AFF1: variants seen among roughly 807,000 people sequenced by gnomAD.
The protein encoded by AFF1 is AF4/FMR2 family member 1.
A neutral mutation model predicts 121.7 loss-of-function variants in AFF1; 48 were observed. The observed-to-expected ratio is 0.39, with a 90% confidence interval of 0.31 to 0.50. The LOEUF is 0.50. Among genes scored for constraint, AFF1 ranks in the 20% least tolerant of loss-of-function variants. The probability of loss-of-function intolerance (pLI) is 0.76; values close to 1 mark genes in which losing one functional copy is unlikely to be tolerated. For missense variants in AFF1, 1,523 were observed against 1,511.7 expected (o/e 1.01, Z -0.12); for synonymous variants, 613 against 563.0 (o/e 1.09, Z -1.26).
chr4:87,002,195 TG>T (rs1725778926), intron 2 of AFF1, among the ~76,000 whole-genome samples: 1 of 150,126 alleles, frequency 6.7e-6, no homozygotes, highest in South Asian at 2.1e-4. Context: ...TGGGCCCAGG[TG>T]ATCCCCCTGC....
chr4:86,949,052 T>C (rs1721073292), intron 2 of AFF1, among the ~76,000 whole-genome samples: 1 of 152,172 alleles, frequency 6.6e-6, no homozygotes, highest in Non-Finnish European at 1.5e-5. Flanking sequence ...TCAGTGTTGA[T>C]TGAGGGGATC....
intron 4 of AFF1, among the ~76,000 whole-genome samples, chr4:87,050,929 G>A (rs1273412282): frequency 1.3e-5 from 2 of 152,230 alleles, no homozygotes; most frequent in South Asian, 2.1e-4. Context: ...CTCTGTGAGT[G>A]CTCATGCACA....
intron 16 of AFF1, among the ~76,000 whole-genome samples, 183 bp from the exon 17 acceptor site, chr4:87,130,900 A>G (rs1560661918): frequency 6.6e-6 from 1 of 152,216 alleles, no homozygotes; most frequent in Non-Finnish European, 1.5e-5. Flanking sequence ...TTTTGCTAAA[A>G]TAGTTTTCAG....
intron 11 of AFF1, among the ~76,000 whole-genome samples, chr4:87,110,393 A>G (rs930176076): frequency 6.6e-6 from 1 of 151,912 alleles, no homozygotes; most frequent in Non-Finnish European, 1.5e-5. Flanking sequence ...AGTATTATTG[A>G]CTACAGTCAC....
At chr4:86,990,172 A>T (rs905300981) in intron 2 of AFF1, among the ~76,000 whole-genome samples, 1 of 147,888 alleles carries the variant, frequency 6.8e-6, no homozygotes, top group African/African-American at 2.4e-5. Flanking sequence ...AAATTATAAT[A>T]ATAATAATAA....
intron 2 of AFF1, among the ~76,000 whole-genome samples, chr4:86,988,564 A>G (rs1184898945): frequency 2.0e-5 from 3 of 152,216 alleles, no homozygotes; most frequent in Admixed American, 2.0e-4. Context: ...ATGGAAAAAC[A>G]TTCCGTGCTC....
chr4:87,134,333 C>A, intron 19 of AFF1, 138 bp from the exon 20 acceptor site: 1 of 796,360 alleles, frequency 1.3e-6, no homozygotes, highest in Non-Finnish European at 2.0e-6. Flanking sequence ...GTAGGAGTGA[C>A]TTTAGCAGTG....
chr4:87,140,321 G>A lies in AFF1; in HGVS notation c.*4620G>A, dbSNP rs188457574. On this transcript the variant is annotated 3_prime_UTR_variant, in exon 21 of 21. Coordinates refer to ENST00000395146, the MANE Select transcript of AFF1 (RefSeq NM_001166693.3). ...ACTGCATATCCCCCTCAGATATCAA[G>A]TATACACTGTTCATGTTGGGGTTGT... The A allele has an allele frequency of 5.0e-6, 1 of 198,034 alleles. No homozygotes were observed. The highest frequency in any genetic ancestry group is 1.0e-5 in the Non-Finnish European group (1 of 95,356). The allele number at this position is 198,034 out of a possible 1,614,324, so 12.3% of individuals were successfully genotyped here. A position where few individuals can be genotyped will look rare whatever the true frequency, so the allele number is the denominator to read the frequency against.
At chr4:87,111,181 G>T (rs1578271165) in intron 11 of AFF1, among the ~76,000 whole-genome samples, 2 of 77,174 alleles carry the variant, frequency 2.6e-5, no homozygotes, top group Middle Eastern at 8.6e-3. Flanking sequence ...CTAATTTTTT[G>T]TATTTTTTTT....
At chr4:86,960,479 G>A (rs755680283) in intron 2 of AFF1, among the ~76,000 whole-genome samples, 1 of 152,248 alleles carries the variant, frequency 6.6e-6, no homozygotes, top group Non-Finnish European at 1.5e-5. Context: ...AAAAAGGTCC[G>A]TTTTTAAGTA....
chr4:87,055,531 G>C (rs1720031114), intron 4 of AFF1, among the ~76,000 whole-genome samples: 1 of 152,150 alleles, frequency 6.6e-6, no homozygotes, highest in South Asian at 2.1e-4. Flanking sequence ...CTCTCCAGTT[G>C]TGCCTTTGCC....
intron 2 of AFF1, among the ~76,000 whole-genome samples, chr4:87,038,473 C>T (rs571921995): frequency 2.0e-5 from 3 of 152,084 alleles, no homozygotes; most frequent in African/African-American, 4.8e-5. Context: ...AAATGTTTCC[C>T]GCATGTTAGA....
At chr4:87,072,186 G>A (rs1273228436) in intron 4 of AFF1, among the ~76,000 whole-genome samples, 4 of 151,876 alleles carry the variant, frequency 2.6e-5, no homozygotes, top group Non-Finnish European at 5.9e-5. Context: ...ACACGGTGAA[G>A]ACCCGTCTCT....
chr4:86,980,764 G>T (rs1415300423), intron 2 of AFF1, among the ~76,000 whole-genome samples: 1 of 152,190 alleles, frequency 6.6e-6, no homozygotes, highest in Admixed American at 6.5e-5. Flanking sequence ...GAGAACGATA[G>T]AAGCTAGACT....
At chr4:87,126,746 G>A (rs755925662) in intron 14 of AFF1, among the ~76,000 whole-genome samples, 2 of 152,126 alleles carry the variant, frequency 1.3e-5, no homozygotes, top group Non-Finnish European at 2.9e-5. Context: ...GGGTGGAGTG[G>A]AGTGGTGTGT....
intron 12 of AFF1, among the ~76,000 whole-genome samples, chr4:87,119,186 C>T (rs146563245): frequency 4.8e-4 from 73 of 152,216 alleles, no homozygotes; most frequent in Non-Finnish European, 8.4e-4. Context: ...AATTCTTAAA[C>T]CAAGCTTATT....
At chr4:87,095,074 T>C in intron 8 of AFF1, 105 bp downstream of exon 8, 2 of 1,076,764 alleles carry the variant, frequency 1.9e-6, no homozygotes. Context: ...ATGACATTAA[T>C]AAGACTGCTG....
chr4:86,978,567 G>T (rs1723490650), intron 2 of AFF1, among the ~76,000 whole-genome samples: 1 of 151,014 alleles, frequency 6.6e-6, no homozygotes, highest in African/African-American at 2.5e-5. Flanking sequence ...TTTGGAGACA[G>T]GGTCTTGCTC....
At chr4:87,013,473 A>C (rs763442516) in intron 2 of AFF1, among the ~76,000 whole-genome samples, 8 of 152,112 alleles carry the variant, frequency 5.3e-5, no homozygotes, top group African/African-American at 1.9e-4. Context: ...AAATATTTTT[A>C]TTGACACCTA....
Sources: allele counts gnomAD v4.1 joint callset (sites outside exome capture counted in the v4.1 genomes callset), GRCh38; gene constraint gnomAD v4.1.1; transcripts MANE v1.5; gene names NCBI Gene and HGNC (gene_info 2026-07-23, HGNC 2026-07-21).